YEATS2: variants seen among roughly 807,000 people sequenced by gnomAD.
The protein encoded by YEATS2 is YEATS domain-containing protein 2.
A neutral mutation model predicts 163.2 loss-of-function variants in YEATS2; 77 were observed. That is an observed-to-expected ratio of 0.47 (90% CI 0.39 to 0.57). The LOEUF (loss-of-function observed/expected upper bound fraction) is 0.57, where lower values mean the gene tolerates loss of function less well. Among genes scored for constraint, YEATS2 ranks in the 20% least tolerant of loss-of-function variants. The probability of loss-of-function intolerance (pLI) is 0.00; values close to 1 mark genes in which losing one functional copy is unlikely to be tolerated. For missense variants in YEATS2, 1,549 were observed against 1,729.8 expected, an observed-to-expected ratio of 0.90 and a Z score of 1.85; for synonymous variants, 631 against 645.1, an observed-to-expected ratio of 0.98 and a Z score of 0.33.
intron 11 of YEATS2, among the ~76,000 whole-genome samples, chr3:183,755,876 A>T (rs1193543889): frequency 2.0e-5 from 3 of 148,358 alleles, no homozygotes; most frequent in Non-Finnish European, 4.4e-5. Flanking sequence ...CCTCTCGAGG[A>T]GCTGGGATTA....
At chr3:183,706,714 G>C (rs1714657320) in intron 1 of YEATS2, among the ~76,000 whole-genome samples, 1 of 152,198 alleles carries the variant, frequency 6.6e-6, no homozygotes, top group Non-Finnish European at 1.5e-5. Context: ...TACCCAGGAG[G>C]CTGAGGCAGG....
chr3:183,768,350 G>A (rs976401853), intron 15 of YEATS2, among the ~76,000 whole-genome samples: 12 of 152,186 alleles, frequency 7.9e-5, no homozygotes, highest in Admixed American at 6.5e-4. Context: ...CACACATCCC[G>A]TTAGCCAGAA....
At chr3:183,734,193 GT>G (rs1046609891) in intron 7 of YEATS2, among the ~76,000 whole-genome samples, 11 of 152,318 alleles carry the variant, frequency 7.2e-5, no homozygotes, top group African/African-American at 2.6e-4. Flanking sequence ...GCCCTGCACA[GT>G]CGGACAATGC....
intron 2 of YEATS2, among the ~76,000 whole-genome samples, chr3:183,716,054 G>A (rs1443566480): frequency 6.6e-6 from 1 of 151,878 alleles, no homozygotes; most frequent in Non-Finnish European, 1.5e-5. Flanking sequence ...CTGCTTCCCC[G>A]GTTCGCGCCA....
chr3:183,748,737 C>G (rs1467826525), intron 9 of YEATS2, among the ~76,000 whole-genome samples: 1 of 151,964 alleles, frequency 6.6e-6, no homozygotes, highest in East Asian at 1.9e-4. Flanking sequence ...GTAGCTAGGA[C>G]TGTACACCTG....
chr3:183,720,941 T>C (rs1277955098), intron 4 of YEATS2, among the ~76,000 whole-genome samples: 1 of 152,212 alleles, frequency 6.6e-6, no homozygotes, highest in Non-Finnish European at 1.5e-5. Flanking sequence ...GTCTTCTCTG[T>C]GTGTCTGTGT....
At chr3:183,710,726 A>G (rs560627945) in intron 1 of YEATS2, among the ~76,000 whole-genome samples, 8 of 152,102 alleles carry the variant, frequency 5.3e-5, no homozygotes, top group Non-Finnish European at 1.0e-4. Flanking sequence ...AAGTGAGGAT[A>G]AAATAAAAAT....
intron 16 of YEATS2, among the ~76,000 whole-genome samples, chr3:183,772,792 C>A (rs1274117309): frequency 1.3e-5 from 2 of 152,034 alleles, no homozygotes; most frequent in East Asian, 3.9e-4. Flanking sequence ...CATACACACA[C>A]ACACACGAAC....
intron 9 of YEATS2, among the ~76,000 whole-genome samples, chr3:183,748,762 G>A (rs1719836899): frequency 6.6e-6 from 1 of 151,980 alleles, no homozygotes; most frequent in African/African-American, 2.4e-5. Context: ...AGCAAGCCCA[G>A]CTAATTTTTA....
At chr3:183,715,503 C>T (rs913038121) in intron 2 of YEATS2, among the ~76,000 whole-genome samples, 42 of 151,754 alleles carry the variant, frequency 2.8e-4, no homozygotes, top group Admixed American at 2.2e-3. Flanking sequence ...TGAGTTTTAG[C>T]GATCACTGTA....
chr3:183,719,108 G>A (rs1160530061), intron 4 of YEATS2, among the ~76,000 whole-genome samples: 1 of 151,026 alleles, frequency 6.6e-6, no homozygotes. Context: ...TAGTCCTTCA[G>A]TTGTGACTTT....
At chr3:183,782,277 T>C (rs1169793621) in intron 19 of YEATS2, among the ~76,000 whole-genome samples, 1 of 150,990 alleles carries the variant, frequency 6.6e-6, no homozygotes, top group Non-Finnish European at 1.5e-5. Flanking sequence ...GCCTGGCTAA[T>C]TTTGTATTTT....
chr3:183,784,904 T>C lies in YEATS2; in HGVS notation c.2737-1221T>C, dbSNP rs970213232. On this transcript the variant is annotated intron_variant, in intron 19 of 30. Transcript: ENST00000305135. ...GCCTGGCCAACATGGAGAAACCTTGTCTCTACTAAAAGTACAAAATTAGCC... is the reference window on the plus strand; with the variant it reads ...GCCTGGCCAACATGGAGAAACCTTGCCTCTACTAAAAGTACAAAATTAGCC... Among the ~76,000 whole-genome samples, 5 of 151,828 alleles carry C rather than the reference T, an allele frequency of 3.3e-5. No homozygotes were observed. In the East Asian group the frequency reaches 9.7e-4, roughly 29 times the overall value.
intron 27 of YEATS2, chr3:183,806,314 T>TA: frequency 2.2e-6 from 1 of 456,304 alleles, no homozygotes; most frequent in Non-Finnish European, 4.4e-6. Context: ...TTAAATCTTG[T>TA]ACCTGGTGTG....
chr3:183,699,313 A>C (rs1318679313), intron 1 of YEATS2, among the ~76,000 whole-genome samples: 1 of 151,862 alleles, frequency 6.6e-6, no homozygotes, highest in African/African-American at 2.4e-5. Flanking sequence ...ATTCTATTTT[A>C]GATGTATTAA....
intron 7 of YEATS2, among the ~76,000 whole-genome samples, chr3:183,730,088 G>T (rs1396655509): frequency 1.9e-4 from 5 of 26,030 alleles, no homozygotes; most frequent in African/African-American, 3.7e-4. Context: ...TTTTTTTTTT[G>T]GAGACACATC....
chr3:183,730,302 C>T (rs1195590055), intron 7 of YEATS2, among the ~76,000 whole-genome samples: 8 of 148,618 alleles, frequency 5.4e-5, no homozygotes, highest in Admixed American at 5.4e-4. Flanking sequence ...TGAGCTCAAG[C>T]CCCCTGCCCG....
intron 1 of YEATS2, among the ~76,000 whole-genome samples, chr3:183,712,949 C>T (rs1277046901): frequency 6.6e-6 from 1 of 151,734 alleles, no homozygotes; most frequent in Non-Finnish European, 1.5e-5. Context: ...TTAGTGGAGA[C>T]GGGGTTTCAC....
chr3:183,807,160 T>C (rs263031), intron 28 of YEATS2, 68 bp downstream of exon 28: 653,113 of 1,420,756 alleles, frequency 0.46, 151,490 homozygotes, highest in Middle Eastern at 0.57. Flanking sequence ...GACGTTCAGC[T>C]TCACAGACCC....
Sources: allele counts gnomAD v4.1 joint callset (sites outside exome capture counted in the v4.1 genomes callset), GRCh38; gene constraint gnomAD v4.1.1; transcripts MANE v1.5; gene names NCBI Gene and HGNC (gene_info 2026-07-23, HGNC 2026-07-21).